The following DROSHA variants were observed in gnomAD, a reference collection of about 807,000 sequenced individuals.
DROSHA encodes drosha ribonuclease III.
In DROSHA, 56 loss-of-function variants were observed where a neutral mutation model predicts 181.9. That is an observed-to-expected ratio of 0.31 (90% CI 0.25 to 0.38). The LOEUF is 0.38. Among genes scored for constraint, DROSHA ranks in the 10% least tolerant of loss-of-function variants. The pLI is 1.00. For synonymous variants in DROSHA, 524 were observed against 591.2 expected, an observed-to-expected ratio of 0.89 and a Z score of 1.65; for missense variants, 1,218 against 1,743.5, an observed-to-expected ratio of 0.70 and a Z score of 5.37.
chr5:31,465,119 T>C (rs1748857496), intron 19 of DROSHA, among the ~76,000 whole-genome samples: 1 of 152,126 alleles, frequency 6.6e-6, no homozygotes, highest in African/African-American at 2.4e-5. Context: ...GTTCCCTCCT[T>C]TATAAACAGG....
intron 27 of DROSHA, among the ~76,000 whole-genome samples, chr5:31,428,535 G>A (rs1481576681): frequency 6.6e-6 from 1 of 152,116 alleles, no homozygotes; most frequent in Non-Finnish European, 1.5e-5. Flanking sequence ...CCATAAGGAG[G>A]AAATTCATCC....
rs935286374 is a variant in DROSHA at position 31,466,523 on chromosome 5, G to A, written c.2367-242C>T. ...TGCTTATTTCAGTTGGAAATGAGGTGTGACTATATGAATGAATCTCTGGAA... is the reference window on the plus strand; with the variant it reads ...TGCTTATTTCAGTTGGAAATGAGGTATGACTATATGAATGAATCTCTGGAA... On this transcript the variant is annotated intron_variant, in intron 18 of 35. Coordinates refer to ENST00000344624, the MANE Select transcript of DROSHA (RefSeq NM_001382508.1). 3 of 374,360 alleles carry A rather than the reference G, an allele frequency of 8.0e-6. No homozygotes were observed. The Admixed American group carries it at 1.3e-4, about 16-fold the overall frequency. The allele number at this position is 374,360 out of a possible 1,614,324, so 23.2% of individuals were successfully genotyped here. A position where few individuals can be genotyped will look rare whatever the true frequency, so the allele number is the denominator to read the frequency against.
intron 23 of DROSHA, among the ~76,000 whole-genome samples, chr5:31,442,978 T>G (rs533140729): frequency 9.2e-5 from 14 of 152,154 alleles, no homozygotes; most frequent in Non-Finnish European, 1.6e-4. Context: ...TACTTGCAAC[T>G]GCCATTTCCT....
At chr5:31,432,250 C>T (rs1057318609) in intron 25 of DROSHA, among the ~76,000 whole-genome samples, 8 of 151,920 alleles carry the variant, frequency 5.3e-5, no homozygotes, top group Middle Eastern at 3.2e-3. Context: ...TCCTGCCTCA[C>T]CCACCCGAGT....
At chr5:31,458,430 A>G (rs1450065665) in intron 20 of DROSHA, among the ~76,000 whole-genome samples, 1 of 152,200 alleles carries the variant, frequency 6.6e-6, no homozygotes, top group African/African-American at 2.4e-5. Context: ...GGGTAATCAA[A>G]TAGTTGATGA....
rs1739088311 is a variant in DROSHA, at chr5:31,514,735, T to C, written c.1290+253A>G. On this transcript the variant is annotated intron_variant, in intron 8 of 35. Transcript: ENST00000344624. This position sits in a 1 kb window ranked among gnomAD's most constrained non-coding sequence, Gnocchi z 4.4. ...TTAGCTTTTTAAAACGGCTTTTGTC[T>C]GTAACAGTGATTCTCAACTGGGGGT... Among the ~76,000 whole-genome samples, 1 of 152,246 alleles carries C rather than the reference T, an allele frequency of 6.6e-6. No individual in the cohort carries two copies. The highest frequency in any genetic ancestry group is 1.5e-5 in the Non-Finnish European group (1 of 68,046).
chr5:31,517,526 G>GA (rs1739397620), intron 6 of DROSHA, among the ~76,000 whole-genome samples: 1 of 151,614 alleles, frequency 6.6e-6, no homozygotes, highest in African/African-American at 2.4e-5. Flanking sequence ...CCTCTGATTT[G>GA]AAAAAAACAT....
chr5:31,474,459 C>T (rs1172065377), intron 16 of DROSHA, among the ~76,000 whole-genome samples: 8 of 152,096 alleles, frequency 5.3e-5, no homozygotes, highest in African/African-American at 1.9e-4. Context: ...ACCTCCTGGG[C>T]TCAGGCAATC....
intron 14 of DROSHA, among the ~76,000 whole-genome samples, chr5:31,486,218 G>A (rs1423545472): frequency 2.6e-5 from 4 of 152,030 alleles, no homozygotes; most frequent in South Asian, 4.1e-4. Flanking sequence ...TGTCCCCTAC[G>A]TAAAAGAAAC....
At chr5:31,467,053 T>C (rs1343817667) in intron 18 of DROSHA, 4 of 152,040 alleles carry the variant, frequency 2.6e-5, no homozygotes, top group African/African-American at 9.7e-5. Context: ...ATTAAAACTG[T>C]TCCTTTCTTG....
intron 23 of DROSHA, among the ~76,000 whole-genome samples, chr5:31,446,183 A>C (rs1430539457): frequency 6.6e-6 from 1 of 152,164 alleles, no homozygotes; most frequent in African/African-American, 2.4e-5. Context: ...GTGGTGGCTC[A>C]CGCCTGTAAT....
At chr5:31,465,140 TA>T (rs1334400041) in intron 19 of DROSHA, among the ~76,000 whole-genome samples, 1 of 152,224 alleles carries the variant, frequency 6.6e-6, no homozygotes, top group Non-Finnish European at 1.5e-5. Flanking sequence ...CTGATTGGCC[TA>T]AATCACAGTA....
At chr5:31,502,847 G>A (rs554995316) in intron 11 of DROSHA, among the ~76,000 whole-genome samples, 9 of 152,352 alleles carry the variant, frequency 5.9e-5, no homozygotes, top group African/African-American at 1.9e-4. Flanking sequence ...CTCTCCCAGC[G>A]GGTGGAGTTT....
At chr5:31,418,107 C>T (rs1011876919) in intron 30 of DROSHA, among the ~76,000 whole-genome samples, 5 of 152,240 alleles carry the variant, frequency 3.3e-5, no homozygotes, top group Admixed American at 1.3e-4. Context: ...TGCTGCATTG[C>T]CTTATGTTTT....
chr5:31,426,722 T>G (rs1483585670), intron 27 of DROSHA, among the ~76,000 whole-genome samples: 1 of 152,156 alleles, frequency 6.6e-6, no homozygotes, highest in East Asian at 1.9e-4. Flanking sequence ...TTATGAAAAC[T>G]ATTAAATGCT....
rs1739089605 is a variant in DROSHA at position 31,514,749 on chromosome 5, T to C, written c.1290+239A>G. ...CGGCTTTTGTCTGTAACAGTGATTC[T>C]CAACTGGGGGTGATCTTTTCCCCCC... On this transcript the variant is annotated intron_variant, in intron 8 of 35. Coordinates refer to ENST00000344624, the MANE Select transcript of DROSHA (RefSeq NM_001382508.1). The surrounding 1 kb of genome is among the most constrained non-coding windows in gnomAD (Gnocchi z 4.4). Among the ~76,000 whole-genome samples the C allele has an allele frequency of 6.6e-6, 1 of 152,356 alleles. No individual in the cohort carries two copies. The highest frequency in any genetic ancestry group is 2.1e-4 in the South Asian group (1 of 4,828).
intron 35 of DROSHA, among the ~76,000 whole-genome samples, chr5:31,405,241 A>C (rs1014641927): frequency 3.3e-5 from 5 of 151,918 alleles, no homozygotes; most frequent in East Asian, 1.9e-4. Flanking sequence ...GGTAGGAGGC[A>C]CCTGTAATCC....
chr5:31,437,120 T>A (rs567901678), intron 24 of DROSHA, 119 bp downstream of exon 24: 2 of 1,103,310 alleles, frequency 1.8e-6, no homozygotes, highest in South Asian at 1.5e-5. Flanking sequence ...ACAAAAGAGA[T>A]AAAATACACG....
At chr5:31,530,946 TAAA>T in intron 2 of DROSHA, 22 bp from the exon 3 acceptor site, 2 of 398,380 alleles carry the variant, frequency 5.0e-6, no homozygotes, top group Non-Finnish European at 4.4e-6. Flanking sequence ...AGGTGGTCAA[TAAA>T]TGTTTACTCT....
Sources: gnomAD v4.1 joint callset for allele counts (sites outside exome capture counted in the v4.1 genomes callset) on GRCh38, gnomAD v4.1.1 for gene constraint, Gnocchi (gnomAD v3.1) non-coding constraint, MANE v1.5 for transcripts, NCBI Gene and HGNC (gene_info 2026-07-23, HGNC 2026-07-21) for gene names.